The following GRIP2 variants were observed in gnomAD, a reference collection of about 807,000 sequenced individuals.
The protein encoded by GRIP2 is glutamate receptor interacting protein 2, also known as glutamate receptor-interacting protein 2.
Under a neutral mutation model 108.3 loss-of-function variants are expected in GRIP2, and 58 were observed. The observed-to-expected ratio is 0.54, with a 90% CI of 0.43 to 0.67. The LOEUF (loss-of-function observed/expected upper bound fraction) is 0.67. GRIP2 is among the 30% of genes least tolerant of loss of function. The pLI is 0.00. For synonymous variants in GRIP2, 586 were observed against 598.2 expected, an observed-to-expected ratio of 0.98 and a Z score of 0.30; for missense variants, 1,278 against 1,430.6, an observed-to-expected ratio of 0.89 and a Z score of 1.72.
At chr3:14,581,342 CT>C in the GRIP2 span, among the ~76,000 whole-genome samples, 10 of 152,216 alleles carry the variant, frequency 6.6e-5, no homozygotes, top group Non-Finnish European at 1.5e-4. Flanking sequence ...CCCTTACCCC[CT>C]GTCCATGTGA....
the GRIP2 span, among the ~76,000 whole-genome samples, chr3:14,571,469 G>C: frequency 0.17 from 26,407 of 151,770 alleles, 2,626 homozygotes; most frequent in African/African-American, 0.25. Context: ...CCACCCCCGC[G>C]CACCTCAGAT....
the GRIP2 span, among the ~76,000 whole-genome samples, chr3:14,578,578 A>T: frequency 6.6e-6 from 1 of 152,096 alleles, no homozygotes; most frequent in Non-Finnish European, 1.5e-5. Flanking sequence ...TTAGCCAGGC[A>T]TGGTGGCAGG....
chr3:14,528,172 T>C (rs932474936), intron 1 of GRIP2, among the ~76,000 whole-genome samples: 1 of 152,246 alleles, frequency 6.6e-6, no homozygotes. Flanking sequence ...ATGTACGCTT[T>C]TGAGTCTAGT....
Position 14,522,130 on chromosome 3 carries a change from G to T in GRIP2, c.567-343C>A. On this transcript the variant is annotated intron_variant, in intron 6 of 23. Coordinates refer to ENST00000621039, the MANE Select transcript of GRIP2 (RefSeq NM_001080423.4). This position sits in a 1 kb window ranked among gnomAD's most constrained non-coding sequence, Gnocchi z 4.3. Reference sequence around the variant, plus strand: ...CGTCACCCCCAACTCCTGCCTCAGGGACAAAGGACAGCACCAGGGCCCAGA... The same window carrying T: ...CGTCACCCCCAACTCCTGCCTCAGGTACAAAGGACAGCACCAGGGCCCAGA... 1 of 258,830 alleles carries T rather than the reference G, an allele frequency of 3.9e-6. No individual in the cohort carries two copies. Among genetic ancestry groups the T allele is most frequent in the Non-Finnish European group, 7.3e-6 (1 of 137,630 alleles). The allele number at this position is 258,830 out of a possible 1,614,324, so 16.0% of individuals were successfully genotyped here.
the GRIP2 span, among the ~76,000 whole-genome samples, chr3:14,572,419 C>T: frequency 1.5e-4 from 22 of 151,410 alleles, no homozygotes; most frequent in South Asian, 6.3e-4. Context: ...GAGACCATCC[C>T]GGCTAAAACG....
At chr3:14,524,007 C>T in intron 4 of GRIP2, 1 of 487,160 alleles carries the variant, frequency 2.1e-6, no homozygotes, top group Non-Finnish European at 3.7e-6. Context: ...ACTCAAACTT[C>T]AAGACTTTAG....
chr3:14,582,039 G>A, the GRIP2 span, among the ~76,000 whole-genome samples: 1 of 152,166 alleles, frequency 6.6e-6, no homozygotes, highest in Non-Finnish European at 1.5e-5. Flanking sequence ...CAGGCTAGGG[G>A]AGACGAGAGA....
rs201142822 is a variant in GRIP2, at chr3:14,503,569, C to G, written c.2676G>C (p.Leu892=). 455 of 1,608,484 alleles carry G rather than the reference C, an allele frequency of 2.8e-4. No individual in the cohort carries two copies. The highest frequency in any genetic ancestry group is 3.5e-4 in the Non-Finnish European group (416 of 1,177,398). The change falls in exon 21 of 24, where the codon CTG becomes CTC. Residue 892 remains leucine, a synonymous_variant. Transcript: ENST00000621039. ...CCTGCAGGGCAGGCAGCCATACCTC[C>G]AGTTCCCTCAGCAGCTCTGACTGAC... ...SCGQSELLRE[L]EASIMTGTVQ... is the part of the protein sequence containing the mutation.
rs769099965 is a variant in GRIP2, at chr3:14,517,185, C to A, written c.1185G>T (p.Pro395=). The change falls in exon 11 of 24, where the codon CCG becomes CCT. Residue 395 remains proline (P), a synonymous_variant. Transcript: ENST00000621039. ...TGCAGGAAAAGGCGTGGTTCAAGGTCGGCGAGGAAAAGGGAGTTGAAGACA... is the reference window on the plus strand; with the variant it reads ...TGCAGGAAAAGGCGTGGTTCAAGGTAGGCGAGGAAAAGGGAGTTGAAGACA... ...RSLSSTPFSS[P]TLNHAFSCNN... 25 of 1,600,126 alleles carry A rather than the reference C, an allele frequency of 1.6e-5. No individual in the cohort carries two copies. Among genetic ancestry groups the A allele is most frequent in the Non-Finnish European group, 2.1e-5 (25 of 1,174,000 alleles).
At chr3:14,514,666 C>T (rs1023419553) in intron 11 of GRIP2, among the ~76,000 whole-genome samples, 188 bp from the exon 12 acceptor site, 3 of 152,158 alleles carry the variant, frequency 2.0e-5, no homozygotes, top group African/African-American at 4.8e-5. Flanking sequence ...ACAATGGGAT[C>T]GTTGATTCCC....
chr3:14,524,363 G>T, intron 4 of GRIP2, 30 bp downstream of exon 4: 1 of 1,601,996 alleles, frequency 6.2e-7, no homozygotes, highest in South Asian at 1.1e-5. Flanking sequence ...CCGAGGCAGT[G>T]GAGAAAGTTC....
chr3:14,574,612 T>C, the GRIP2 span: 3 of 682,684 alleles, frequency 4.4e-6, no homozygotes, highest in Middle Eastern at 2.6e-4. Flanking sequence ...TCATGGAGGA[T>C]ACCTTCCTGG....
chr3:14,584,414 C>T, the GRIP2 span, among the ~76,000 whole-genome samples: 1 of 152,176 alleles, frequency 6.6e-6, no homozygotes, highest in Non-Finnish European at 1.5e-5. Flanking sequence ...AGGGGCCACA[C>T]GACCCCCATC....
chr3:14,572,759 AG>A, the GRIP2 span: 1 of 560,148 alleles, frequency 1.8e-6, no homozygotes, highest in East Asian at 3.3e-5. Context: ...CACATGGAGC[AG>A]GTGACTCCTG....
intron 17 of GRIP2, among the ~76,000 whole-genome samples, chr3:14,508,314 C>T (rs992826220): frequency 2.6e-5 from 4 of 152,202 alleles, no homozygotes; most frequent in Non-Finnish European, 4.4e-5. Flanking sequence ...ACCTGAGGAG[C>T]TTTTTGAAAA....
At chr3:14,553,336 C>T (rs749816761) in intron 1 of GRIP2, among the ~76,000 whole-genome samples, 22 of 152,202 alleles carry the variant, frequency 1.4e-4, no homozygotes, top group Non-Finnish European at 2.9e-4. Flanking sequence ...GTCTCGAACT[C>T]CTGACCTCAA....
chr3:14,532,427 T>C (rs1281206483), intron 1 of GRIP2, among the ~76,000 whole-genome samples: 9 of 151,978 alleles, frequency 5.9e-5, no homozygotes, highest in African/African-American at 2.2e-4. Context: ...CTTCGCACTA[T>C]GGGTATTTTT....
Position 14,511,145 on chromosome 3 carries a change from G to A in GRIP2, c.1933+20C>T, listed in dbSNP as rs1387008545. On this transcript the variant is annotated intron_variant, in intron 16 of 23. Coordinates refer to ENST00000621039, the MANE Select transcript of GRIP2 (RefSeq NM_001080423.4). This position sits in a 1 kb window ranked among gnomAD's most constrained non-coding sequence, Gnocchi z 4.1. Reference sequence around the variant, plus strand: ...AAAGGGTGGGCCTCTGGAGGTAGGAGGCCAGCATGAGGGCCATACCAGAGT... The same window carrying A: ...AAAGGGTGGGCCTCTGGAGGTAGGAAGCCAGCATGAGGGCCATACCAGAGT... 3 of 1,613,046 alleles carry A rather than the reference G, an allele frequency of 1.9e-6. No homozygotes were observed. Among genetic ancestry groups the A allele is most frequent in the South Asian group, 2.2e-5 (2 of 90,852 alleles).
chr3:14,515,911 G>A (rs972886285), intron 11 of GRIP2, among the ~76,000 whole-genome samples: 1 of 152,102 alleles, frequency 6.6e-6, no homozygotes, highest in East Asian at 1.9e-4. Flanking sequence ...GATTACAGGC[G>A]TGAGCCACCA....
Sources: allele counts gnomAD v4.1 joint callset (sites outside exome capture counted in the v4.1 genomes callset), GRCh38; gene constraint gnomAD v4.1.1; non-coding constraint Gnocchi (gnomAD v3.1); transcripts MANE v1.5; gene names NCBI Gene and HGNC (gene_info 2026-07-23, HGNC 2026-07-21).